Variants in IQGAP2 observed in about 807,000 individuals in gnomAD.
IQGAP2 encodes the protein ras GTPase-activating-like protein IQGAP2.
In IQGAP2, 173 loss-of-function variants were observed where a neutral mutation model predicts 201.3. The observed-to-expected ratio is 0.86, with a 90% confidence interval of 0.76 to 0.98. IQGAP2 has a LOEUF of 0.98. IQGAP2 is among the 50% of genes least tolerant of loss of function. The pLI, the probability that IQGAP2 is intolerant of heterozygous loss-of-function variation, is 0.00. For missense variants in IQGAP2, 1,687 were observed against 1,864.8 expected (o/e 0.90, Z 1.76); for synonymous variants, 675 against 673.9 (o/e 1.00, Z -0.03).
chr5:76,509,029 A>G (rs1013016349), intron 2 of IQGAP2, among the ~76,000 whole-genome samples: 30 of 148,850 alleles, frequency 2.0e-4, no homozygotes, highest in Admixed American at 1.7e-3. Context: ...CTGTATATAT[A>G]TGTGTGTGTG....
intron 15 of IQGAP2, among the ~76,000 whole-genome samples, chr5:76,635,687 A>G (rs1751068980): frequency 6.6e-6 from 1 of 152,074 alleles, no homozygotes; most frequent in Non-Finnish European, 1.5e-5. Flanking sequence ...ACAAAAAAAT[A>G]CAAAAAATTA....
Position 76,604,981 on chromosome 5 carries a change from C to G in IQGAP2, c.1233-1198C>G, listed in dbSNP as rs540360649. On this transcript the variant is annotated intron_variant, in intron 11 of 35. Coordinates refer to ENST00000274364, the MANE Select transcript of IQGAP2 (RefSeq NM_006633.5). ...ATAATGTTTCTTCTTTTAACCTCTG[C>G]CATTACTAGATCCCTAGAGACTATT... Among the ~76,000 whole-genome samples the G allele has an allele frequency of 2.6e-5, 4 of 152,232 alleles. No individual in the cohort carries two copies. The East Asian group carries it at 7.7e-4, about 29-fold the overall frequency.
intron 22 of IQGAP2, among the ~76,000 whole-genome samples, chr5:76,665,589 T>C (rs1743684887): frequency 6.6e-6 from 1 of 152,176 alleles, no homozygotes; most frequent in East Asian, 1.9e-4. Flanking sequence ...AATAACTGTA[T>C]GTGAAAAACA....
intron 1 of IQGAP2, among the ~76,000 whole-genome samples, chr5:76,430,154 C>T (rs1303365352): frequency 6.6e-6 from 1 of 152,180 alleles, no homozygotes; most frequent in African/African-American, 2.4e-5. Context: ...TTACATAGCG[C>T]TCTGTGACAA....
chr5:76,504,062 A>G (rs1462534545), intron 2 of IQGAP2, among the ~76,000 whole-genome samples: 1 of 152,226 alleles, frequency 6.6e-6, no homozygotes, highest in Admixed American at 6.5e-5. Flanking sequence ...GAATCCCTGA[A>G]TGATCAAAGC....
Position 76,618,048 on chromosome 5 carries a change from G to A in IQGAP2, c.1521+6865G>A, listed in dbSNP as rs187008237. On this transcript the variant is annotated intron_variant, in intron 13 of 35. Transcript: ENST00000274364. The stretch of plus-strand genomic sequence containing the variant: ...AAATGGCAGCATATATAAGAAAACT[G>A]TTGCCCACACCAGTCCACATGTTAC... 11 of 1,614,112 alleles carry A rather than the reference G, an allele frequency of 6.8e-6. No individual in the cohort carries two copies. In the Admixed American group the frequency reaches 1.3e-4, roughly 20 times the overall value.
chr5:76,443,846 T>C (rs933130310), intron 1 of IQGAP2, among the ~76,000 whole-genome samples: 4 of 152,226 alleles, frequency 2.6e-5, no homozygotes, highest in African/African-American at 9.7e-5. Flanking sequence ...ATGAGATACT[T>C]ATATAAAGTT....
At chr5:76,611,277 A>G (rs546776197) in intron 13 of IQGAP2, 94 bp downstream of exon 13, 4 of 856,602 alleles carry the variant, frequency 4.7e-6, no homozygotes, top group East Asian at 2.6e-5. Context: ...GTTAAATCTC[A>G]TGAGCTTCTT....
intron 24 of IQGAP2, 95 bp downstream of exon 24, chr5:76,672,078 G>A: frequency 1.1e-6 from 1 of 918,470 alleles, no homozygotes; most frequent in Non-Finnish European, 1.7e-6. Flanking sequence ...TAGGCGAACT[G>A]TACAAAGTCA....
intron 13 of IQGAP2, chr5:76,618,319 C>T (rs775605345): frequency 6.2e-7 from 1 of 1,614,176 alleles, no homozygotes; most frequent in South Asian, 1.1e-5. Flanking sequence ...GTGTAGAATA[C>T]AGTGGTACAG....
chr5:76,460,293 CAG>C (rs1018099093), intron 1 of IQGAP2, among the ~76,000 whole-genome samples: 36 of 152,238 alleles, frequency 2.4e-4, no homozygotes, highest in Middle Eastern at 3.4e-3. Context: ...GCTTTCCAGG[CAG>C]AGAGAAGGGT....
At chr5:76,640,688 C>A (rs1751504502) in intron 16 of IQGAP2, among the ~76,000 whole-genome samples, 1 of 152,208 alleles carries the variant, frequency 6.6e-6, no homozygotes, top group Admixed American at 6.5e-5. Context: ...TCTCTGCCTC[C>A]AAATCCTGAG....
At chr5:76,619,480 G>A (rs1325611924) in intron 13 of IQGAP2, among the ~76,000 whole-genome samples, 3 of 151,346 alleles carry the variant, frequency 2.0e-5, no homozygotes, top group Non-Finnish European at 4.4e-5. Flanking sequence ...CCTAGCAAAA[G>A]GGATTTTGCA....
At chr5:76,622,651 A>G (rs1235772535) in intron 13 of IQGAP2, among the ~76,000 whole-genome samples, 2 of 152,210 alleles carry the variant, frequency 1.3e-5, no homozygotes, top group African/African-American at 2.4e-5. Context: ...AAAATCATAT[A>G]TGAGGGTAGG....
At chr5:76,456,059 G>A (rs1412294818) in intron 1 of IQGAP2, among the ~76,000 whole-genome samples, 5 of 152,170 alleles carry the variant, frequency 3.3e-5, no homozygotes, top group African/African-American at 1.2e-4. Context: ...AAACTTCGTA[G>A]GACTAAACTT....
chr5:76,707,065 TG>T, intron 35 of IQGAP2, 134 bp from the exon 36 acceptor site: 1 of 612,962 alleles, frequency 1.6e-6, no homozygotes. Flanking sequence ...GAGACCAACC[TG>T]GGCAACATAG....
At chr5:76,479,378 G>A (rs192336514) in intron 2 of IQGAP2, among the ~76,000 whole-genome samples, 4 of 152,176 alleles carry the variant, frequency 2.6e-5, no homozygotes, top group East Asian at 1.9e-4. Context: ...TGTGAGGGAC[G>A]CTGATTCTGT....
At chr5:76,499,738 TAAG>T (rs1304732730) in intron 2 of IQGAP2, among the ~76,000 whole-genome samples, 2 of 152,102 alleles carry the variant, frequency 1.3e-5, no homozygotes, top group Admixed American at 6.5e-5. Context: ...AAAATGAGAA[TAAG>T]AAGAGCTGCC....
chr5:76,437,819 T>C (rs932507442), intron 1 of IQGAP2, among the ~76,000 whole-genome samples: 1 of 152,206 alleles, frequency 6.6e-6, no homozygotes, highest in Non-Finnish European at 1.5e-5. Flanking sequence ...CTATTGTAAA[T>C]AGTGCTGTAA....
Sources: gnomAD v4.1 joint callset for allele counts (sites outside exome capture counted in the v4.1 genomes callset) on GRCh38, gnomAD v4.1.1 for gene constraint, MANE v1.5 for transcripts, NCBI Gene and HGNC (gene_info 2026-07-23, HGNC 2026-07-21) for gene names.